S100Z: variants seen among roughly 807,000 people sequenced by gnomAD.
S100Z encodes S100 calcium binding protein Z, also known as protein S100-Z.
A neutral mutation model predicts 8.5 loss-of-function variants in S100Z; 11 were observed. That is an observed-to-expected ratio of 1.30 (90% CI 0.82 to 2.15). The LOEUF (loss-of-function observed/expected upper bound fraction) is 2.15, where lower values mean the gene tolerates loss of function less well. S100Z is among the 30% of genes most tolerant of loss of function. The probability of loss-of-function intolerance (pLI) is 0.00; values close to 1 mark genes in which losing one functional copy is unlikely to be tolerated. For synonymous variants in S100Z, 34 were observed against 43.8 expected (o/e 0.78, Z 0.89); for missense variants, 126 against 117.9 (o/e 1.07, Z -0.32).
intron 1 of S100Z, 93 bp downstream of exon 1, chr5:76,850,248 G>A (rs1489606457): frequency 6.6e-6 from 1 of 151,264 alleles, no homozygotes; most frequent in Admixed American, 6.6e-5. Context: ...GGCAACAAGA[G>A]TGGAGGTTGT....
chr5:76,918,093 C>A (rs1386217194), intron 4 of S100Z, among the ~76,000 whole-genome samples: 1 of 152,168 alleles, frequency 6.6e-6, no homozygotes, highest in African/African-American at 2.4e-5. Context: ...CGTCAATTTT[C>A]TATCTAAAAA....
chr5:76,941,359 C>G, the S100Z span, among the ~76,000 whole-genome samples: 2 of 152,042 alleles, frequency 1.3e-5, no homozygotes, highest in Non-Finnish European at 1.5e-5. Context: ...GTGAGTTTTT[C>G]CCATGCTGTT....
At chr5:76,939,547 T>C in the S100Z span, among the ~76,000 whole-genome samples, 1 of 148,146 alleles carries the variant, frequency 6.8e-6, no homozygotes, top group African/African-American at 2.5e-5. Context: ...AGTTTTGCTC[T>C]TGTTGCCCAG....
At chr5:76,938,346 AG>A in the S100Z span, among the ~76,000 whole-genome samples, 1 of 152,190 alleles carries the variant, frequency 6.6e-6, no homozygotes, top group Admixed American at 6.5e-5. Context: ...AGGTTAGAGT[AG>A]TATTTTATGT....
chr5:76,877,296 G>C (rs548558556), intron 3 of S100Z, among the ~76,000 whole-genome samples: 1 of 152,010 alleles, frequency 6.6e-6, no homozygotes, highest in Admixed American at 6.6e-5. Flanking sequence ...GCTCAAATTC[G>C]CTCGTTGGTA....
chr5:76,930,787 G>A, the S100Z span, among the ~76,000 whole-genome samples: 2 of 152,112 alleles, frequency 1.3e-5, no homozygotes, highest in Admixed American at 6.6e-5. Flanking sequence ...TGAAGTGTAG[G>A]GTAAAGCGGG....
downstream of S100Z, among the ~76,000 whole-genome samples, chr5:76,925,360 A>G (rs1745121573): frequency 1.3e-5 from 2 of 152,324 alleles, no homozygotes; most frequent in South Asian, 4.2e-4. Context: ...CTACCACTGC[A>G]GTAACCATAA....
At chr5:76,947,707 C>T in the S100Z span, among the ~76,000 whole-genome samples, 1 of 152,108 alleles carries the variant, frequency 6.6e-6, no homozygotes, top group African/African-American at 2.4e-5. Flanking sequence ...AGAAATAAAT[C>T]CACACATATA....
chr5:76,871,520 CTTTT>C (rs565094996), intron 2 of S100Z, among the ~76,000 whole-genome samples: 132 of 125,090 alleles, frequency 1.1e-3, no homozygotes, highest in African/African-American at 3.6e-3. Context: ...ATCAGAAACT[CTTTT>C]TTTTTTTTTT....
chr5:76,942,411 C>T, the S100Z span, among the ~76,000 whole-genome samples: 2 of 123,036 alleles, frequency 1.6e-5, no homozygotes, highest in East Asian at 5.2e-4. Context: ...CATACCTAGC[C>T]CAGTATAGCT....
chr5:76,944,884 G>A, the S100Z span, among the ~76,000 whole-genome samples: 16 of 152,324 alleles, frequency 1.1e-4, no homozygotes, highest in African/African-American at 3.6e-4. Context: ...AGTGAGGGAT[G>A]TTAAATGGCA....
At chr5:76,950,416 C>T in the S100Z span, among the ~76,000 whole-genome samples, 1 of 152,094 alleles carries the variant, frequency 6.6e-6, no homozygotes, top group Admixed American at 6.5e-5. Context: ...TGCACCTGCC[C>T]CCATGTCCAT....
intron 4 of S100Z, among the ~76,000 whole-genome samples, chr5:76,888,626 TCGGCCTCC>T (rs1487109036): frequency 6.6e-6 from 1 of 152,030 alleles, no homozygotes; most frequent in Non-Finnish European, 1.5e-5. Context: ...TCCGCCCATC[TCGGCCTCC>T]CAAAGTGCTG....
chr5:76,927,564 C>T, the S100Z span, among the ~76,000 whole-genome samples: 1 of 152,236 alleles, frequency 6.6e-6, no homozygotes, highest in Admixed American at 6.5e-5. Context: ...AAATCAGTCA[C>T]CTCAATGGCT....
At chr5:76,915,254 G>C (rs1311047064) in intron 4 of S100Z, among the ~76,000 whole-genome samples, 1 of 148,140 alleles carries the variant, frequency 6.8e-6, no homozygotes, top group Non-Finnish European at 1.5e-5. Context: ...GCAGTGAGCT[G>C]AGATTGTGCC....
the S100Z span, among the ~76,000 whole-genome samples, chr5:76,931,966 T>C: frequency 6.6e-6 from 1 of 152,138 alleles, no homozygotes; most frequent in Non-Finnish European, 1.5e-5. Context: ...TTATTTTATC[T>C]TTTTTCATTG....
intron 4 of S100Z, among the ~76,000 whole-genome samples, chr5:76,917,654 C>T (rs946797955): frequency 6.6e-6 from 1 of 152,092 alleles, no homozygotes; most frequent in African/African-American, 2.4e-5. Context: ...GAAACCCCAT[C>T]TCTATTGAAA....
chr5:76,929,496 C>G, the S100Z span, among the ~76,000 whole-genome samples: 838 of 152,180 alleles, frequency 5.5e-3, 7 homozygotes, highest in Non-Finnish European at 6.1e-3. Flanking sequence ...ATTGATTGTG[C>G]CAGACAAATT....
chr5:76,927,941 A>C, the S100Z span, among the ~76,000 whole-genome samples: 1 of 152,190 alleles, frequency 6.6e-6, no homozygotes, highest in Non-Finnish European at 1.5e-5. Context: ...GCTGACTCTA[A>C]GCCCATCTGT....
Sources: gnomAD v4.1 joint callset for allele counts (sites outside exome capture counted in the v4.1 genomes callset) on GRCh38, gnomAD v4.1.1 for gene constraint, MANE v1.5 for transcripts, NCBI Gene and HGNC (gene_info 2026-07-23, HGNC 2026-07-21) for gene names.